MLIP: variants seen among roughly 807,000 people sequenced by gnomAD.
MLIP encodes muscular LMNA-interacting protein.
Under a neutral mutation model 84.8 loss-of-function variants are expected in MLIP, and 79 were observed. The observed-to-expected ratio is 0.93, with a 90% CI of 0.78 to 1.12. MLIP has a LOEUF of 1.12. MLIP is among the 50% of genes most tolerant of loss of function. MLIP has a pLI of 0.00. For synonymous variants in MLIP, 504 were observed against 463.0 expected (o/e 1.09, Z -1.14); for missense variants, 1,257 against 1,160.6 (o/e 1.08, Z -1.21).
intron 9 of MLIP, 53 bp downstream of exon 9, chr6:54,169,625 G>A (rs1415133876): frequency 4.1e-6 from 5 of 1,215,720 alleles, no homozygotes; most frequent in Non-Finnish European, 3.5e-6. Flanking sequence ...GCCTGTGTAT[G>A]CTTTAGAGAG....
intron 9 of MLIP, among the ~76,000 whole-genome samples, chr6:54,189,566 A>G (rs1419123453): frequency 6.6e-6 from 1 of 152,214 alleles, no homozygotes; most frequent in African/African-American, 2.4e-5. Context: ...GTAACCTTGA[A>G]GAAGTTTTGA....
At chr6:54,243,123 C>T (rs1781848084) in intron 12 of MLIP, among the ~76,000 whole-genome samples, 2 of 152,142 alleles carry the variant, frequency 1.3e-5, no homozygotes, top group African/African-American at 4.8e-5. Context: ...TGATAACTGT[C>T]ACAACTGCCA....
intron 1 of MLIP, among the ~76,000 whole-genome samples, chr6:54,118,118 A>G (rs560435320): frequency 1.8e-4 from 27 of 152,356 alleles, no homozygotes; most frequent in Admixed American, 3.3e-4. Flanking sequence ...TACAGATTCA[A>G]CGCAACTCCT....
chr6:54,145,087 T>C (rs1160230781), intron 4 of MLIP, among the ~76,000 whole-genome samples: 1 of 152,196 alleles, frequency 6.6e-6, no homozygotes, highest in Non-Finnish European at 1.5e-5. Flanking sequence ...ACTGAAAGCA[T>C]AGATTACAAA....
intron 1 of MLIP, among the ~76,000 whole-genome samples, chr6:54,076,669 T>C (rs1766822333): frequency 6.6e-6 from 1 of 152,156 alleles, no homozygotes; most frequent in South Asian, 2.1e-4. Flanking sequence ...AAAGAATAAA[T>C]TTTGCATAGC....
intron 3 of MLIP, among the ~76,000 whole-genome samples, chr6:54,134,197 A>T (rs191360427): frequency 5.3e-5 from 8 of 152,276 alleles, no homozygotes; most frequent in Non-Finnish European, 1.2e-4. Context: ...ATTCTGAGCT[A>T]CTGACTGAGA....
At chr6:54,224,176 G>GA (rs1216711221) in intron 11 of MLIP, among the ~76,000 whole-genome samples, 1 of 151,754 alleles carries the variant, frequency 6.6e-6, no homozygotes, top group Admixed American at 6.6e-5. Context: ...CGTATTCTTT[G>GA]AAAAAAGTGC....
intron 3 of MLIP, among the ~76,000 whole-genome samples, chr6:54,129,944 A>G (rs1048566104): frequency 5.3e-5 from 8 of 152,258 alleles, no homozygotes; most frequent in South Asian, 2.1e-4. Context: ...CTTTTAGGCA[A>G]TGGACAAATC....
At chr6:54,030,541 C>T (rs1285330503) in intron 1 of MLIP, 1 of 150,174 alleles carries the variant, frequency 6.7e-6, no homozygotes, top group Non-Finnish European at 1.5e-5. Flanking sequence ...ATTGACAGCA[C>T]AATCTGATTC....
At chr6:54,085,598 G>A (rs187664825) in intron 1 of MLIP, among the ~76,000 whole-genome samples, 84 of 152,210 alleles carry the variant, frequency 5.5e-4, no homozygotes, top group Middle Eastern at 6.8e-3. Context: ...TAAACAAAAC[G>A]AATCAGTGAG....
chr6:54,255,477 G>T (rs1194468352), intron 12 of MLIP, among the ~76,000 whole-genome samples: 3 of 152,064 alleles, frequency 2.0e-5, no homozygotes, highest in African/African-American at 7.2e-5. Flanking sequence ...CACATTTTTA[G>T]TCAGCTTAAG....
At position 54,201,820 on chromosome 6, in the gene MLIP, T is replaced by G. The variant is rs558075101; in HGVS notation, c.2590-285T>G. Reference sequence around the variant, plus strand: ...ATAAATACTTAGCAAATGAAATATGTGTTGACCAAATGCACCAGCAAGGGT... The same window carrying G: ...ATAAATACTTAGCAAATGAAATATGGGTTGACCAAATGCACCAGCAAGGGT... On this transcript the variant is annotated intron_variant, in intron 10 of 13. Coordinates refer to ENST00000502396, the MANE Select transcript of MLIP (RefSeq NM_001281747.2). Among the ~76,000 whole-genome samples the G allele has an allele frequency of 2.0e-5, 3 of 152,310 alleles. No individual in the cohort carries two copies. The South Asian group carries it at 6.2e-4, about 32-fold the overall frequency.
At chr6:54,152,830 GATT>G (rs1195811417) in intron 5 of MLIP, among the ~76,000 whole-genome samples, 2 of 151,552 alleles carry the variant, frequency 1.3e-5, no homozygotes, top group African/African-American at 4.9e-5. Flanking sequence ...CAAGTAAATA[GATT>G]ATTATTTTTA....
intron 1 of MLIP, among the ~76,000 whole-genome samples, chr6:54,081,045 C>G (rs778036468): frequency 4.6e-5 from 7 of 152,110 alleles, no homozygotes; most frequent in Non-Finnish European, 1.0e-4. Context: ...AAGTGCCCTT[C>G]AAGACTCAAG....
intron 1 of MLIP, among the ~76,000 whole-genome samples, chr6:54,029,791 T>G (rs1411265971): frequency 1.3e-5 from 2 of 152,188 alleles, no homozygotes; most frequent in African/African-American, 4.8e-5. Context: ...ATCTTTACTC[T>G]TTTTCTTAGC....
intron 9 of MLIP, 47 bp from the exon 10 acceptor site, chr6:54,189,823 A>G: frequency 7.2e-7 from 1 of 1,391,418 alleles, no homozygotes; most frequent in Non-Finnish European, 1.0e-6. Flanking sequence ...TACATATTTT[A>G]ATAAATTATG....
intron 10 of MLIP, among the ~76,000 whole-genome samples, chr6:54,190,884 C>T (rs940738896): frequency 2.6e-4 from 39 of 151,638 alleles, no homozygotes; most frequent in Admixed American, 1.7e-3. Context: ...CAAGCTCCGC[C>T]TCCCGGGTTC....
At chr6:54,051,426 A>T (rs2150317311) in intron 1 of MLIP, among the ~76,000 whole-genome samples, 1 of 152,228 alleles carries the variant, frequency 6.6e-6, no homozygotes, top group Middle Eastern at 3.4e-3. Flanking sequence ...ATCAGTGGAA[A>T]ACTCAAATTT....
intron 3 of MLIP, among the ~76,000 whole-genome samples, chr6:54,128,240 G>A (rs1771089330): frequency 6.6e-6 from 1 of 152,144 alleles, no homozygotes; most frequent in African/African-American, 2.4e-5. Context: ...TATCTAGAAA[G>A]AAGTTGGAAG....
Sources: gnomAD v4.1 joint callset for allele counts (sites outside exome capture counted in the v4.1 genomes callset) on GRCh38, gnomAD v4.1.1 for gene constraint, MANE v1.5 for transcripts, NCBI Gene and HGNC (gene_info 2026-07-23, HGNC 2026-07-21) for gene names.